MID1: variants seen among roughly 807,000 people sequenced by gnomAD.
MID1 encodes midline 1, also known as E3 ubiquitin-protein ligase Midline-1.
A neutral mutation model predicts 40.4 loss-of-function variants in MID1; 7 were observed. That is an observed-to-expected ratio of 0.17 (90% CI 0.10 to 0.33). The LOEUF (loss-of-function observed/expected upper bound fraction) is 0.33, where lower values mean the gene tolerates loss of function less well. Ranked by LOEUF, MID1 falls within the 10% of genes least tolerant of loss-of-function variation. The pLI is 1.00. For missense variants in MID1, 367 were observed against 558.5 expected, an observed-to-expected ratio of 0.66 and a Z score of 3.46; for synonymous variants, 229 against 221.2, an observed-to-expected ratio of 1.04 and a Z score of -0.31.
chrX:10,734,127 G>A (rs1353144110), intron 1 of MID1, among the ~76,000 whole-genome samples: 1 of 111,988 alleles, frequency 8.9e-6, no homozygotes, highest in Non-Finnish European at 1.9e-5. Context: ...GCAAAGACAT[G>A]GAATTATTTT....
At chrX:10,808,252 C>A (rs984416967) in intron 1 of MID1, among the ~76,000 whole-genome samples, 1 of 111,792 alleles carries the variant, frequency 8.9e-6, no homozygotes, top group African/African-American at 3.3e-5. Context: ...CTATGCTGTC[C>A]TTCTCTGTGA....
chrX:10,477,723 A>G (rs770186432), intron 5 of MID1, among the ~76,000 whole-genome samples: 2 of 112,194 alleles, frequency 1.8e-5, no homozygotes, highest in African/African-American at 6.5e-5. Flanking sequence ...CAGAAGGTGG[A>G]CGTGTCTGGA....
chrX:10,576,005 G>GA (rs1204108526), intron 1 of MID1, among the ~76,000 whole-genome samples: 42 of 103,332 alleles, frequency 4.1e-4, no homozygotes, highest in African/African-American at 1.3e-3. Context: ...GGGACTGTTT[G>GA]AAAAAAAAAA....
intron 1 of MID1, among the ~76,000 whole-genome samples, chrX:10,809,501 C>T (rs1302792341): frequency 1.8e-5 from 2 of 111,553 alleles, no homozygotes; most frequent in South Asian, 3.8e-4. Context: ...CGGCACTATT[C>T]ACAATAGCAA....
chrX:10,769,508 G>T (rs2043751625), intron 1 of MID1, among the ~76,000 whole-genome samples: 1 of 112,007 alleles, frequency 8.9e-6, no homozygotes, highest in Non-Finnish European at 1.9e-5. Flanking sequence ...AGATGGCAAA[G>T]CTCCTTCTAT....
intron 1 of MID1, among the ~76,000 whole-genome samples, chrX:10,769,652 G>A (rs1328123221): frequency 1.8e-5 from 2 of 111,999 alleles, no homozygotes; most frequent in African/African-American, 6.5e-5. Context: ...CAAAGATTAC[G>A]TTTAACTCCC....
chrX:10,697,820 T>C (rs1032989450), intron 1 of MID1, among the ~76,000 whole-genome samples: 3 of 111,431 alleles, frequency 2.7e-5, no homozygotes, highest in African/African-American at 9.8e-5. Flanking sequence ...CTGTGCATTA[T>C]AGAACGTTTA....
At chrX:10,486,318 AT>A (rs1396125557) in intron 4 of MID1, among the ~76,000 whole-genome samples, 2 of 112,067 alleles carry the variant, frequency 1.8e-5, no homozygotes, top group African/African-American at 3.2e-5. Flanking sequence ...GATCTCCACA[AT>A]TCTGCCTGGT....
At chrX:10,543,941 G>T (rs1933579823) in intron 2 of MID1, among the ~76,000 whole-genome samples, 2 of 111,416 alleles carry the variant, frequency 1.8e-5, no homozygotes, top group Non-Finnish European at 3.8e-5. Context: ...AGGAGGTGGA[G>T]GTTGCAGTGA....
chrX:10,679,366 A>G (rs111507719), intron 1 of MID1, among the ~76,000 whole-genome samples: 1 of 111,785 alleles, frequency 8.9e-6, no homozygotes, highest in Non-Finnish European at 1.9e-5. Flanking sequence ...ATAGTTTCTT[A>G]TAGGGGAAGG....
At chrX:10,579,551 T>C in intron 1 of MID1, among the ~76,000 whole-genome samples, 1 of 111,843 alleles carries the variant, frequency 8.9e-6, no homozygotes, top group East Asian at 2.8e-4. Context: ...TCCCATTGTG[T>C]GAGCAGATTG....
At chrX:10,743,489 A>C (rs992859522) in intron 1 of MID1, among the ~76,000 whole-genome samples, 1 of 112,192 alleles carries the variant, frequency 8.9e-6, no homozygotes, top group Non-Finnish European at 1.9e-5. Flanking sequence ...GGATCTTAAC[A>C]ACTGTGTTTA....
chrX:10,668,065 C>T (rs768050801), intron 1 of MID1, among the ~76,000 whole-genome samples: 56 of 111,851 alleles, frequency 5.0e-4, no homozygotes, highest in Middle Eastern at 4.2e-3. Flanking sequence ...GAATACGCAT[C>T]TTGGGACAGA....
At chrX:10,672,953 T>C (rs184421974) in intron 1 of MID1, among the ~76,000 whole-genome samples, 21 of 111,335 alleles carry the variant, frequency 1.9e-4, no homozygotes, top group Non-Finnish European at 1.3e-4. Context: ...CCCAATGTGC[T>C]GGGATTACAA....
At chrX:10,818,797 T>C (rs1442835405) in intron 1 of MID1, among the ~76,000 whole-genome samples, 1 of 112,284 alleles carries the variant, frequency 8.9e-6, no homozygotes, top group Non-Finnish European at 1.9e-5. Context: ...TCTTCTAATT[T>C]AGTCTTATCA....
At chrX:10,701,426 C>A (rs1164495528) in intron 1 of MID1, among the ~76,000 whole-genome samples, 1 of 111,663 alleles carries the variant, frequency 9.0e-6, no homozygotes, top group Non-Finnish European at 1.9e-5. Flanking sequence ...TTCCCAGCTT[C>A]CCCTGCGACC....
chrX:10,539,829 C>T (rs1190618159), intron 2 of MID1, among the ~76,000 whole-genome samples: 2 of 112,552 alleles, frequency 1.8e-5, no homozygotes, highest in African/African-American at 6.4e-5. Context: ...ACTGCAGCCT[C>T]CACCTCCCTG....
At chrX:10,765,265 A>G (rs2147122981) in intron 1 of MID1, among the ~76,000 whole-genome samples, 1 of 112,322 alleles carries the variant, frequency 8.9e-6, no homozygotes, top group African/African-American at 3.2e-5. Context: ...AATTTTTTCC[A>G]GGTTTTCATC....
chrX:10,653,548 G>T (rs1305151398), intron 1 of MID1, among the ~76,000 whole-genome samples: 6 of 112,488 alleles, frequency 5.3e-5, no homozygotes. Flanking sequence ...TGGGGATGAG[G>T]TCTGTGCCTC....
Sources: allele counts gnomAD v4.1 joint callset (sites outside exome capture counted in the v4.1 genomes callset), GRCh38; gene constraint gnomAD v4.1.1; transcripts MANE v1.5; gene names NCBI Gene and HGNC (gene_info 2026-07-23, HGNC 2026-07-21).